SDHA: variants seen among roughly 807,000 people sequenced by gnomAD.
SDHA encodes succinate dehydrogenase [ubiquinone] flavoprotein subunit, mitochondrial.
SDHA carries 48 observed loss-of-function variants against 78.4 expected under a neutral mutation model. That is an observed-to-expected ratio of 0.61 (90% CI 0.49 to 0.78). The LOEUF is 0.78. SDHA is among the 30% of genes least tolerant of loss of function. The probability of loss-of-function intolerance (pLI) is 0.00; values close to 1 mark genes in which losing one functional copy is unlikely to be tolerated. For synonymous variants in SDHA, 326 were observed against 353.9 expected, an observed-to-expected ratio of 0.92 and a Z score of 0.88; for missense variants, 680 against 892.7, an observed-to-expected ratio of 0.76 and a Z score of 3.04.
chr5:226,165 G>A, intron 5 of SDHA, 118 bp downstream of exon 5: 1 of 1,158,948 alleles, frequency 8.6e-7, no homozygotes, highest in Non-Finnish European at 1.3e-6. Context: ...AAGCAACAGA[G>A]AACAGCAGCG....
At chr5:237,603 T>C (rs1406221758) in intron 10 of SDHA, among the ~76,000 whole-genome samples, 3 of 134,196 alleles carry the variant, frequency 2.2e-5, no homozygotes, top group Non-Finnish European at 3.0e-5. Flanking sequence ...TGGTGGATGT[T>C]TGCGTGGCAA....
chr5:268,370 G>A, the SDHA span, among the ~76,000 whole-genome samples: 2 of 152,078 alleles, frequency 1.3e-5, no homozygotes, highest in East Asian at 1.9e-4. Context: ...TTTTAGTAGA[G>A]ACGAGGTTTC....
Position 252,320 on chromosome 5 carries a change from C to T in SDHA, c.1794+852C>T, listed in dbSNP as rs111667089. On this transcript the variant is annotated intron_variant, in intron 13 of 14. Transcript: ENST00000264932. The stretch of plus-strand genomic sequence containing the variant: ...CGAGTAAGCCACCGTTTCAAGCCTG[C>T]CCTGTGGAGGAAATGCCCGTTTATT... 6.3e-5 allele frequency among the ~76,000 whole-genome samples: 8 copies of T among 126,852 alleles called. 2 individuals are homozygous for T. Among genetic ancestry groups the T allele is most frequent in the African/African-American group, 2.9e-4 (7 of 24,072 alleles). The allele number at this position is 126,852 out of a possible 152,430, so 83.2% of individuals were successfully genotyped here.
At chr5:224,264 C>G (rs985153799) in intron 2 of SDHA, 96 bp from the exon 3 acceptor site, 1 of 1,335,612 alleles carries the variant, frequency 7.5e-7, no homozygotes, top group East Asian at 2.3e-5. Flanking sequence ...CCAGCAGTTG[C>G]TCCTTTTATC....
rs1062468 is a variant in SDHA, at chr5:233,578, G to C, written c.997G>C (p.Val333Leu). 3.7e-6 allele frequency: 6 copies of C among 1,614,222 alleles called. No homozygotes were observed. The highest frequency in any genetic ancestry group is 5.1e-6 in the Non-Finnish European group (6 of 1,180,044). Residue 333 changes from valine to leucine, a missense_variant, in exon 8 of 15, where the codon GTC (valine) becomes CTC (leucine). By Grantham distance (32) the Val-to-Leu change is conservative (BLOSUM62 1). Transcript: ENST00000264932. ...AAGGTTTATGGAGCGATACGCCCCT[G>C]TCGCGAAGGACCTGGCGTCTAGAGA... ...GERFMERYAPVAKDLASRDVV... is the reference protein window; with the variant it reads ...GERFMERYAPLAKDLASRDVV...
Position 233,536 on chromosome 5 carries a change from A to G in SDHA, c.955A>G (p.Ile319Val), listed in dbSNP as rs377509915. 4 of 1,614,082 alleles carry G rather than the reference A, an allele frequency of 2.5e-6. No individual in the cohort carries two copies. In the Admixed American group the frequency reaches 5.0e-5, roughly 20 times the overall value. The part of the protein sequence containing the change: ...EGCRGEGGIL[I>V]NSQGERFMER... ...ATGTCGTGGAGAGGGAGGCATTCTC[A>G]TTAACAGTCAAGGCGAAAGGTTTAT... The change falls in exon 8 of 15, where the codon ATT (isoleucine) becomes GTT (valine). Residue 319 changes from isoleucine to valine, a missense_variant. Coordinates refer to ENST00000264932, the MANE Select transcript of SDHA (RefSeq NM_004168.4).
chr5:229,666 T>A (rs112948767), intron 6 of SDHA, among the ~76,000 whole-genome samples: 16,695 of 151,918 alleles, frequency 0.11, 2,965 homozygotes, highest in African/African-American at 0.38. Flanking sequence ...AGGTCTAATA[T>A]ACAACATGGT....
chr5:240,733 G>A (rs983146606), intron 11 of SDHA, among the ~76,000 whole-genome samples: 2 of 151,840 alleles, frequency 1.3e-5, no homozygotes, highest in Non-Finnish European at 2.9e-5. Flanking sequence ...ATGTGTCCAT[G>A]TGTACTCACC....
At chr5:225,691 G>C (rs1734975976) in intron 4 of SDHA, 129 bp downstream of exon 4, 2 of 1,425,628 alleles carry the variant, frequency 1.4e-6, no homozygotes, top group African/African-American at 1.4e-5. Context: ...TTCACAAGAA[G>C]AGTCTTTTTC....
downstream of SDHA, among the ~76,000 whole-genome samples, chr5:258,822 G>C (rs1432254298): frequency 2.4e-5 from 2 of 84,724 alleles, 1 homozygote; most frequent in African/African-American, 1.6e-4. Context: ...TACCGTGTGA[G>C]CTCCGCCCCC....
At chr5:258,353 C>T (rs1308080228), downstream of SDHA, among the ~76,000 whole-genome samples, 3 of 103,318 alleles carry the variant, frequency 2.9e-5, 1 homozygote, top group Admixed American at 9.3e-5. Flanking sequence ...TGTGTGAGCT[C>T]CTCCTCCTGT....
intron 5 of SDHA, 187 bp from the exon 6 acceptor site, chr5:227,998 G>A (rs1047031618): frequency 4.7e-6 from 3 of 636,396 alleles, no homozygotes; most frequent in African/African-American, 3.6e-5. Flanking sequence ...CACCTGCCTT[G>A]TCTGTACTGC....
chr5:252,925 G>C (rs764680548), intron 13 of SDHA: 95 of 149,532 alleles, frequency 6.4e-4, no homozygotes, highest in African/African-American at 2.1e-3. Context: ...TCAGACCTGC[G>C]CTGTGGAGGA....
intron 11 of SDHA, among the ~76,000 whole-genome samples, chr5:245,043 A>G (rs928118896): frequency 2.6e-5 from 4 of 152,196 alleles, no homozygotes; most frequent in African/African-American, 9.7e-5. Flanking sequence ...TACCTTTAAA[A>G]TGGTTAACAT....
rs1406700036 is a variant in SDHA, at chr5:237,467, A to G, written c.1432+868A>G. On this transcript the variant is annotated intron_variant, in intron 10 of 14. Coordinates refer to ENST00000264932, the MANE Select transcript of SDHA (RefSeq NM_004168.4). ...AATAATGTGCAGTAAAGGAAATACC[A>G]TGTGTGGGAGTGTGAGTCTTACGTG... Among the ~76,000 whole-genome samples the G allele has an allele frequency of 2.3e-5, 3 of 132,442 alleles. 1 individual carries two copies. Among genetic ancestry groups the G allele is most frequent in the African/African-American group, 7.5e-5 (2 of 26,700 alleles). The allele number at this position is 132,442 out of a possible 152,430, so 86.9% of individuals were successfully genotyped here. A position where few individuals can be genotyped will look rare whatever the true frequency, so the allele number is the denominator to read the frequency against.
chr5:236,623 G>T lies in SDHA; in HGVS notation c.1432+24G>T, dbSNP rs1735804829. ...TGGTAAGTGTTTTCTTCAGGAGCCA[G>T]ACTATTTGAGAAGGCGCAGGACGTT... On this transcript the variant is annotated intron_variant, in intron 10 of 14. Transcript: ENST00000264932. The T allele has an allele frequency of 2.5e-6, 4 of 1,609,504 alleles. No homozygotes were observed. The African/African-American group carries it at 4.0e-5, about 16-fold the overall frequency.
At chr5:258,858 T>C (rs559796851), downstream of SDHA, among the ~76,000 whole-genome samples, 2 of 55,072 alleles carry the variant, frequency 3.6e-5, no homozygotes, top group East Asian at 3.3e-4. Flanking sequence ...GTGAGCTCCT[T>C]CTCCTCTCAG....
intron 5 of SDHA, among the ~76,000 whole-genome samples, chr5:226,374 G>A (rs905304539): frequency 1.3e-5 from 2 of 152,220 alleles, no homozygotes; most frequent in Non-Finnish European, 2.9e-5. Context: ...GCTCAGGTCT[G>A]TAATCCCAGC....
intron 10 of SDHA, among the ~76,000 whole-genome samples, chr5:237,128 ATT>A (rs1491545277): frequency 1.6e-5 from 2 of 125,012 alleles, no homozygotes; most frequent in Non-Finnish European, 3.2e-5. Context: ...TTGGGGTTAC[ATT>A]TTTTTTTAAT....
Sources: allele counts gnomAD v4.1 joint callset (sites outside exome capture counted in the v4.1 genomes callset), GRCh38; gene constraint gnomAD v4.1.1; transcripts MANE v1.5; gene names NCBI Gene and HGNC (gene_info 2026-07-23, HGNC 2026-07-21).